Variants in ATP2A2 observed in about 807,000 individuals in gnomAD.
ATP2A2 encodes ATPase sarcoplasmic/endoplasmic reticulum Ca2+ transporting 2.
A neutral mutation model predicts 109.3 loss-of-function variants in ATP2A2; 14 were observed. The observed-to-expected ratio is 0.13, with a 90% CI of 0.08 to 0.20. The LOEUF (loss-of-function observed/expected upper bound fraction) is 0.20. ATP2A2 is among the 10% of genes least tolerant of loss of function. The pLI is 1.00. For synonymous variants in ATP2A2, 506 were observed against 490.9 expected (o/e 1.03, Z -0.41); for missense variants, 657 against 1,321.6 (o/e 0.50, Z 7.80).
At position 110,344,905 on chromosome 12, in the gene ATP2A2, C is replaced by T. The variant is rs150843644; in HGVS notation, c.2541C>T (p.Thr847=). Residue 847 remains threonine (T), a synonymous_variant, in exon 17 of 20, where the codon ACC becomes ACT. Transcript: ENST00000539276. ...TCCCAGGTTACGTCGGCGCTGCTACCGTGGGTGCTGCTGCATGGTGGTTCA... is the reference window on the plus strand; with the variant it reads ...TCCCAGGTTACGTCGGCGCTGCTACTGTGGGTGCTGCTGCATGGTGGTTCA... ...LAIGCYVGAA[T]VGAAAWWFIA... 1.1e-5 allele frequency: 18 copies of T among 1,614,134 alleles called. No individual in the cohort carries two copies. The highest frequency in any genetic ancestry group is 3.3e-5 in the Admixed American group (2 of 60,020).
Position 110,332,655 on chromosome 12 carries a change from C to G in ATP2A2, c.1154C>G (p.Thr385Ser), listed in dbSNP as rs765444696. Residue 385 changes from threonine (T) to serine (S), a missense_variant, in exon 9 of 20, where the codon ACT becomes AGT. Thr to Ser is a moderately conservative substitution (Grantham distance 58). Around this residue, in one of 9 missense-constraint regions of ATP2A2, gnomAD observed 46 missense variants for 62.0 expected, o/e 0.74. Coordinates refer to ENST00000539276, the MANE Select transcript of ATP2A2 (RefSeq NM_170665.4). The stretch of plus-strand genomic sequence containing the variant: ...TGTTCCCTTAATGAGTTTACCATAA[C>G]TGGATCAACTTATGCACCTATTGGA... ...DTCSLNEFTI[T>S]GSTYAPIGEV... 1 of 1,613,388 alleles carries G rather than the reference C, an allele frequency of 6.2e-7. No individual in the cohort carries two copies. Among genetic ancestry groups the G allele is most frequent in the South Asian group, 1.1e-5 (1 of 91,066 alleles).
chr12:110,326,203 G>C (rs1242086089), intron 6 of ATP2A2, 187 bp from the exon 7 acceptor site: 2 of 627,408 alleles, frequency 3.2e-6, no homozygotes, highest in African/African-American at 1.8e-5. Context: ...GACACCCTTT[G>C]TTCTGGTATT....
chr12:110,347,738 A>C lies in ATP2A2; in HGVS notation c.*1268A>C. The C allele has an allele frequency of 1.8e-6, 2 of 1,130,362 alleles. No individual in the cohort carries two copies. The highest frequency in any genetic ancestry group is 2.2e-6 in the Non-Finnish European group (2 of 911,922). The allele number at this position is 1,130,362 out of a possible 1,614,324, so 70.0% of individuals were successfully genotyped here. A position where few individuals can be genotyped will look rare whatever the true frequency, so the allele number is the denominator to read the frequency against. On this transcript the variant is annotated 3_prime_UTR_variant, in exon 20 of 20. Coordinates refer to ENST00000539276, the MANE Select transcript of ATP2A2 (RefSeq NM_170665.4). ...CTCACCAACAGTGTGTAAGTCATTA[A>C]CAGTCCTAACTGTGGTGTTTTCCTC...
At chr12:110,282,076 C>G (rs1199475323) in intron 1 of ATP2A2, among the ~76,000 whole-genome samples, 169 bp downstream of exon 1, 1 of 152,022 alleles carries the variant, frequency 6.6e-6, no homozygotes, top group East Asian at 1.9e-4. Context: ...CTGCGGTCCT[C>G]GCCTCGCCTT....
intron 5 of ATP2A2, among the ~76,000 whole-genome samples, chr12:110,300,979 G>A (rs1368897991): frequency 6.6e-6 from 1 of 152,086 alleles, no homozygotes; most frequent in Non-Finnish European, 1.5e-5. Flanking sequence ...CTAAATATGT[G>A]TATGAGATTC....
At chr12:110,313,136 C>T (rs1876271400) in intron 5 of ATP2A2, among the ~76,000 whole-genome samples, 1 of 152,046 alleles carries the variant, frequency 6.6e-6, no homozygotes, top group African/African-American at 2.4e-5. Context: ...GAAGCCTGAC[C>T]TGATTTCATG....
intron 3 of ATP2A2, among the ~76,000 whole-genome samples, chr12:110,290,196 C>G (rs75013764): frequency 0.19 from 28,365 of 152,176 alleles, 3,069 homozygotes; most frequent in Admixed American, 0.29. Context: ...GGGGAATTAA[C>G]TGGTTTTTTG....
At chr12:110,326,243 C>A (rs1362034656) in intron 6 of ATP2A2, 147 bp from the exon 7 acceptor site, 2 of 716,762 alleles carry the variant, frequency 2.8e-6, no homozygotes, top group African/African-American at 3.5e-5. Flanking sequence ...TCCCAGCTTA[C>A]CTCCTTTGAA....
At chr12:110,291,224 G>A (rs569338665) in intron 3 of ATP2A2, among the ~76,000 whole-genome samples, 2 of 131,746 alleles carry the variant, frequency 1.5e-5, no homozygotes, top group East Asian at 4.7e-4. Context: ...TTTGTTTTGA[G>A]ACCGAGTCTT....
At chr12:110,338,229 T>A (rs995348685) in intron 11 of ATP2A2, among the ~76,000 whole-genome samples, 7 of 152,200 alleles carry the variant, frequency 4.6e-5, no homozygotes, top group Non-Finnish European at 1.0e-4. Flanking sequence ...CCACTAGCTA[T>A]CTAAAACTAC....
At chr12:110,298,875 C>A (rs531721155) in intron 5 of ATP2A2, among the ~76,000 whole-genome samples, 3,535 of 152,150 alleles carry the variant, frequency 0.023, 127 homozygotes, top group African/African-American at 0.08. Context: ...TTTATAGTAT[C>A]AAGGATGTTC....
chr12:110,333,817 A>G (rs181730892), intron 10 of ATP2A2, among the ~76,000 whole-genome samples, 195 bp from the exon 11 acceptor site: 5 of 152,360 alleles, frequency 3.3e-5, no homozygotes, highest in Admixed American at 6.5e-5. Flanking sequence ...ACTTATTAGA[A>G]TAAGATCACA....
rs546201349 is a variant in ATP2A2 at position 110,340,628 on chromosome 12, A to G, written c.1762-31A>G. 1.9e-6 allele frequency: 3 copies of G among 1,611,258 alleles called. No individual in the cohort carries two copies. The highest frequency in any genetic ancestry group is 1.1e-5 in the South Asian group (1 of 90,940). On this transcript the variant is annotated intron_variant, in intron 13 of 19. Transcript: ENST00000539276. The surrounding 1 kb of genome is among the most constrained non-coding windows in gnomAD (Gnocchi z 6.0). Reference sequence around the variant, plus strand: ...TAGGGGACAAAAACTAGAACTTGCCACTTTTATTTAAAGTGATGCTCTTAT... The same window carrying G: ...TAGGGGACAAAAACTAGAACTTGCCGCTTTTATTTAAAGTGATGCTCTTAT...
chr12:110,347,755 G>A lies in ATP2A2; in HGVS notation c.*1285G>A, dbSNP rs186821366. 77 of 1,071,090 alleles carry A rather than the reference G, an allele frequency of 7.2e-5. No homozygotes were observed. The East Asian group carries it at 5.3e-3, about 74-fold the overall frequency. The allele number at this position is 1,071,090 out of a possible 1,614,324, so 66.3% of individuals were successfully genotyped here. On this transcript the variant is annotated 3_prime_UTR_variant, in exon 20 of 20. Transcript: ENST00000539276. The stretch of plus-strand genomic sequence containing the variant: ...AGTCATTAACAGTCCTAACTGTGGT[G>A]TTTTCCTCCAATGCCTTCCAACATC...
intron 5 of ATP2A2, among the ~76,000 whole-genome samples, chr12:110,306,438 G>A (rs1276311326): frequency 6.6e-6 from 1 of 152,196 alleles, no homozygotes; most frequent in Non-Finnish European, 1.5e-5. Context: ...GGCTTCTGCT[G>A]ATCCTGTCAT....
rs1877910015 is a variant in ATP2A2 at position 110,327,341 on chromosome 12, A to G, written c.631-212A>G. Among the ~76,000 whole-genome samples, 1 of 152,188 alleles carries G rather than the reference A, an allele frequency of 6.6e-6. No homozygotes were observed. Among genetic ancestry groups the G allele is most frequent in the Non-Finnish European group, 1.5e-5 (1 of 68,020 alleles). ...GCAAGCCGGGCTCAAATAGAAATCT[A>G]GGTGGGTCAGTACAGAGCTGCCTGA... On this transcript the variant is annotated intron_variant, in intron 7 of 19. Transcript: ENST00000539276. The surrounding 1 kb of genome is among the most constrained non-coding windows in gnomAD (Gnocchi z 4.4).
Position 110,340,328 on chromosome 12 carries a change from T to C in ATP2A2, c.1762-331T>C, listed in dbSNP as rs376541667. ...CCGAGGCTGGCAGATCACCTGGGGT[T>C]GGGGGTTTGAGACCAGCCTGACCAA... On this transcript the variant is annotated intron_variant, in intron 13 of 19. Coordinates refer to ENST00000539276, the MANE Select transcript of ATP2A2 (RefSeq NM_170665.4). The surrounding 1 kb of genome is among the most constrained non-coding windows in gnomAD (Gnocchi z 6.0). 5.9e-5 allele frequency among the ~76,000 whole-genome samples: 9 copies of C among 151,968 alleles called. No homozygotes were observed. In the East Asian group the frequency reaches 1.5e-3, roughly 26 times the overall value.
chr12:110,309,751 C>G (rs188663449), intron 5 of ATP2A2, among the ~76,000 whole-genome samples: 58 of 151,958 alleles, frequency 3.8e-4, no homozygotes, highest in Non-Finnish European at 6.6e-4. Context: ...ACAAAAAATA[C>G]AAAAATTAGC....
rs1376564622 is a variant in ATP2A2 at position 110,348,226 on chromosome 12, T to A, written c.*1756T>A. 1.0e-6 allele frequency: 1 copy of A among 985,292 alleles called. No individual in the cohort carries two copies. The highest frequency in any genetic ancestry group is 1.2e-6 in the Non-Finnish European group (1 of 829,968). 61.0% of individuals were successfully genotyped at this position (985,292 alleles called of 1,614,324 possible). A position where few individuals can be genotyped will look rare whatever the true frequency, so the allele number is the denominator to read the frequency against. ...TAACTGAACCAGTGAACTCTGGGTA[T>A]CGATAGGTTCGTCTTAAATAGGCCA... is the stretch of plus-strand genomic sequence containing the variant. On this transcript the variant is annotated 3_prime_UTR_variant, in exon 20 of 20. Coordinates refer to ENST00000539276, the MANE Select transcript of ATP2A2 (RefSeq NM_170665.4).
Sources: gnomAD v4.1 joint callset for allele counts (sites outside exome capture counted in the v4.1 genomes callset) on GRCh38, gnomAD v4.1.1 for gene constraint, gnomAD v4.1.1 regional missense constraint, Gnocchi (gnomAD v3.1) non-coding constraint, MANE v1.5 for transcripts, NCBI Gene and HGNC (gene_info 2026-07-23, HGNC 2026-07-21) for gene names.